The following GPR39 variants were observed in gnomAD, a reference collection of about 807,000 sequenced individuals.
GPR39 encodes zinc sensing receptor.
GPR39 carries 23 observed loss-of-function variants against 18.4 expected under a neutral mutation model. The observed-to-expected ratio is 1.25, with a 90% CI of 0.90 to 1.77. The LOEUF (loss-of-function observed/expected upper bound fraction) is 1.77, where lower values mean the gene tolerates loss of function less well. GPR39 is among the 40% of genes most tolerant of loss of function. The pLI, the probability that GPR39 is intolerant of heterozygous loss-of-function variation, is 0.00. For missense variants in GPR39, 647 were observed against 602.4 expected, an observed-to-expected ratio of 1.07 and a Z score of -0.78; for synonymous variants, 280 against 257.9, an observed-to-expected ratio of 1.09 and a Z score of -0.82.
At chr2:132,455,242 C>A (rs542856574) in intron 1 of GPR39, among the ~76,000 whole-genome samples, 112 of 152,268 alleles carry the variant, frequency 7.4e-4, no homozygotes, top group African/African-American at 2.6e-3. Flanking sequence ...TTATCCATTT[C>A]TTCTAGATTT....
intron 1 of GPR39, among the ~76,000 whole-genome samples, chr2:132,641,011 A>G (rs1333244819): frequency 1.3e-5 from 2 of 152,182 alleles, no homozygotes; most frequent in African/African-American, 4.8e-5. Context: ...TGTATGCCTA[A>G]TGCTCCATTT....
chr2:132,637,096 T>G (rs1362587387), intron 1 of GPR39, among the ~76,000 whole-genome samples: 29 of 152,214 alleles, frequency 1.9e-4, no homozygotes, highest in Admixed American at 1.9e-3. Context: ...AGAAAAATAT[T>G]TATTTAGCAG....
chr2:132,522,658 C>T (rs187207693), intron 1 of GPR39, among the ~76,000 whole-genome samples: 68 of 152,150 alleles, frequency 4.5e-4, no homozygotes, highest in African/African-American at 1.6e-3. Flanking sequence ...ATAATTTGGC[C>T]CTGGGTAGTG....
At chr2:132,538,110 C>G (rs893564821) in intron 1 of GPR39, among the ~76,000 whole-genome samples, 1 of 152,046 alleles carries the variant, frequency 6.6e-6, no homozygotes, top group Non-Finnish European at 1.5e-5. Context: ...TGCAGTCATT[C>G]GGAGGAGAAG....
chr2:132,530,307 A>G (rs1008083777), intron 1 of GPR39, among the ~76,000 whole-genome samples: 2 of 152,208 alleles, frequency 1.3e-5, no homozygotes, highest in Non-Finnish European at 2.9e-5. Flanking sequence ...TTTAGAGAAA[A>G]AAGAATAAAA....
intron 1 of GPR39, among the ~76,000 whole-genome samples, chr2:132,470,731 G>A (rs1681014908): frequency 6.6e-6 from 1 of 151,848 alleles, no homozygotes; most frequent in Non-Finnish European, 1.5e-5. Context: ...ATCCCAGCCT[G>A]GGCAGGGGAG....
chr2:132,608,876 C>T (rs1681188853), intron 1 of GPR39, among the ~76,000 whole-genome samples: 1 of 152,190 alleles, frequency 6.6e-6, no homozygotes, highest in African/African-American at 2.4e-5. Context: ...TCGCTCATTA[C>T]TGAGGGCCTC....
At chr2:132,566,890 G>A (rs1357698238) in intron 1 of GPR39, among the ~76,000 whole-genome samples, 2 of 152,176 alleles carry the variant, frequency 1.3e-5, no homozygotes, top group African/African-American at 4.8e-5. Context: ...TCAGCGTCCT[G>A]CTGTGGGACC....
chr2:132,524,233 T>G (rs1679471480), intron 1 of GPR39, among the ~76,000 whole-genome samples: 1 of 152,216 alleles, frequency 6.6e-6, no homozygotes, highest in South Asian at 2.1e-4. Context: ...GGTCTTGAGT[T>G]TCCCTGGTAA....
chr2:132,472,241 A>G (rs995477116), intron 1 of GPR39, among the ~76,000 whole-genome samples: 9 of 152,172 alleles, frequency 5.9e-5, no homozygotes, highest in Non-Finnish European at 1.0e-4. Context: ...TCTGGAGTAG[A>G]TTCTCTGCCA....
At chr2:132,593,452 C>T (rs1310649452) in intron 1 of GPR39, among the ~76,000 whole-genome samples, 1 of 152,166 alleles carries the variant, frequency 6.6e-6, no homozygotes. Context: ...CATTATCAGA[C>T]ATGGTCTGAG....
In GPR39 at chr2:132,450,916, G is replaced by C. The variant is rs1680620055; in HGVS notation, c.856+33018G>C. On this transcript the variant is annotated intron_variant, in intron 1 of 1. Transcript: ENST00000329321. The stretch of plus-strand genomic sequence containing the variant: ...GTGAAAGGTGCCTGAGTTTTCCTTA[G>C]CAACCTAATTCTGTTTGCCTTATGT... 2.0e-5 allele frequency among the ~76,000 whole-genome samples: 3 copies of C among 152,172 alleles called. No individual in the cohort carries two copies. The South Asian group carries it at 6.2e-4, about 32-fold the overall frequency.
In GPR39 at chr2:132,645,415, C is replaced by G. The variant is rs1311732907; in HGVS notation, c.1171C>G (p.Pro391Ala). Residue 391 changes from proline (P) to alanine (A), a missense_variant, in exon 2 of 2, where the codon CCG becomes GCG. By Grantham distance (27) the Pro-to-Ala change is conservative. Transcript: ENST00000329321. ...CGACAGCGCCCGCTTTGTGCAGCGC[C>G]CGTTGCTCTTCGCGTCCCGGCGCCA... ...TTDSARFVQRPLLFASRRQSS... is the reference protein window; with the variant it reads ...TTDSARFVQRALLFASRRQSS... 3 of 1,613,522 alleles carry G rather than the reference C, an allele frequency of 1.9e-6. No homozygotes were observed. The highest frequency in any genetic ancestry group is 1.3e-5 in the African/African-American group (1 of 74,936).
At position 132,417,013 on chromosome 2, in the gene GPR39, T is replaced by G. The variant is rs1338506160; in HGVS notation, c.-30T>G. Reference sequence around the variant, plus strand: ...AGGAGAAAGGGAAGTTGAGAAAGTCTTTGGACCTGGTAGCCTGGTGCTCTT... The same window carrying G: ...AGGAGAAAGGGAAGTTGAGAAAGTCGTTGGACCTGGTAGCCTGGTGCTCTT... On this transcript the variant is annotated 5_prime_UTR_variant, in exon 1 of 2. Coordinates refer to ENST00000329321, the MANE Select transcript of GPR39 (RefSeq NM_001508.3). 1 of 1,604,324 alleles carries G rather than the reference T, an allele frequency of 6.2e-7. No individual in the cohort carries two copies. Among genetic ancestry groups the G allele is most frequent in the Non-Finnish European group, 8.5e-7 (1 of 1,174,404 alleles).
At chr2:132,448,640 T>G (rs1349335530) in intron 1 of GPR39, among the ~76,000 whole-genome samples, 2 of 152,212 alleles carry the variant, frequency 1.3e-5, no homozygotes, top group Non-Finnish European at 2.9e-5. Context: ...TCTCTTGACA[T>G]TTATCCTTCT....
intron 1 of GPR39, among the ~76,000 whole-genome samples, chr2:132,494,092 G>C (rs1245140618): frequency 6.6e-6 from 1 of 152,050 alleles, no homozygotes; most frequent in East Asian, 1.9e-4. Flanking sequence ...GAGGGAGTAG[G>C]GAAAGCATGT....
At chr2:132,575,257 A>G (rs1252549207) in intron 1 of GPR39, among the ~76,000 whole-genome samples, 2 of 152,190 alleles carry the variant, frequency 1.3e-5, no homozygotes, top group South Asian at 2.1e-4. Context: ...AATTTAATCC[A>G]TTGATTTTAT....
Position 132,645,820 on chromosome 2 carries a change from T to C in GPR39, c.*214T>C. The C allele has an allele frequency of 1.5e-6, 1 of 686,670 alleles. No individual in the cohort carries two copies. The highest frequency in any genetic ancestry group is 2.4e-6 in the Non-Finnish European group (1 of 420,220). The allele number at this position is 686,670 out of a possible 1,614,324, so 42.5% of individuals were successfully genotyped here. Reference sequence around the variant, plus strand: ...CACAGACATGGGGGTGAACTTTCACTCCACCTCCTTCCTTCAAGTACATAC... The same window carrying C: ...CACAGACATGGGGGTGAACTTTCACCCCACCTCCTTCCTTCAAGTACATAC... On this transcript the variant is annotated 3_prime_UTR_variant, in exon 2 of 2. Transcript: ENST00000329321.
chr2:132,436,682 G>C (rs1475073657), intron 1 of GPR39, among the ~76,000 whole-genome samples: 1 of 152,048 alleles, frequency 6.6e-6, no homozygotes, highest in Non-Finnish European at 1.5e-5. Context: ...TTAGTAAAGA[G>C]CCCCCCGGCT....
Sources: allele counts gnomAD v4.1 joint callset (sites outside exome capture counted in the v4.1 genomes callset), GRCh38; gene constraint gnomAD v4.1.1; transcripts MANE v1.5; gene names NCBI Gene and HGNC (gene_info 2026-07-23, HGNC 2026-07-21).